TINAG: variants seen among roughly 807,000 people sequenced by gnomAD.
TINAG encodes the protein tubulointerstitial nephritis antigen.
In TINAG, 83 loss-of-function variants were observed where a neutral mutation model predicts 72.7. That is an observed-to-expected ratio of 1.14 (90% CI 0.96 to 1.37). TINAG has a LOEUF of 1.37. TINAG is among the 40% of genes most tolerant of loss of function. The probability of loss-of-function intolerance (pLI) is 0.00; values close to 1 mark genes in which losing one functional copy is unlikely to be tolerated. For missense variants in TINAG, 685 were observed against 576.6 expected, an observed-to-expected ratio of 1.19 and a Z score of -1.93; for synonymous variants, 234 against 189.9, an observed-to-expected ratio of 1.23 and a Z score of -1.91.
chr6:54,333,093 T>C (rs1025002596), intron 4 of TINAG, among the ~76,000 whole-genome samples: 2 of 152,210 alleles, frequency 1.3e-5, no homozygotes, highest in Non-Finnish European at 1.5e-5. Flanking sequence ...AGAAATACCA[T>C]TTGATTCAGC....
At chr6:54,324,011 G>A (rs1382302036) in intron 3 of TINAG, among the ~76,000 whole-genome samples, 1 of 152,092 alleles carries the variant, frequency 6.6e-6, no homozygotes, top group Admixed American at 6.6e-5. Flanking sequence ...TCTAGTTGAG[G>A]AGCCAACACT....
At chr6:54,360,589 A>C (rs924342084) in intron 9 of TINAG, among the ~76,000 whole-genome samples, 49 of 151,608 alleles carry the variant, frequency 3.2e-4, no homozygotes, top group African/African-American at 1.2e-3. Flanking sequence ...GCTTTATTTA[A>C]TCCCCAAGTC....
chr6:54,350,472 T>A (rs1785239288), intron 7 of TINAG, among the ~76,000 whole-genome samples: 1 of 151,688 alleles, frequency 6.6e-6, no homozygotes, highest in South Asian at 2.1e-4. Context: ...CTTTCATGAG[T>A]TGGTTTTGAC....
At chr6:54,352,712 T>C (rs1419570873) in intron 8 of TINAG, among the ~76,000 whole-genome samples, 5 of 151,624 alleles carry the variant, frequency 3.3e-5, no homozygotes, top group African/African-American at 9.7e-5. Flanking sequence ...TGTATTATTG[T>C]TTCAAGTGTT....
At chr6:54,321,230 T>A in intron 2 of TINAG, 67 bp from the exon 3 acceptor site, 1 of 1,181,194 alleles carries the variant, frequency 8.5e-7, no homozygotes, top group Non-Finnish European at 1.3e-6. Flanking sequence ...AATGTATAAC[T>A]CTTTTTACTA....
At chr6:54,329,463 T>G (rs1157680404) in intron 4 of TINAG, among the ~76,000 whole-genome samples, 2 of 151,888 alleles carry the variant, frequency 1.3e-5, no homozygotes, top group East Asian at 3.9e-4. Context: ...TTACAAGAGC[T>G]CCTAAAGAAA....
At chr6:54,309,221 C>A (rs1784183098) in intron 1 of TINAG, among the ~76,000 whole-genome samples, 1 of 152,090 alleles carries the variant, frequency 6.6e-6, no homozygotes, top group African/African-American at 2.4e-5. Context: ...TTCTCTCTCT[C>A]TCTTCTTTTT....
intron 3 of TINAG, among the ~76,000 whole-genome samples, chr6:54,322,261 T>C (rs1441806178): frequency 6.6e-6 from 1 of 151,972 alleles, no homozygotes; most frequent in East Asian, 1.9e-4. Flanking sequence ...TGAGCCGAGA[T>C]TGCGCCACTG....
In TINAG at chr6:54,350,405, A is replaced by G. The variant is rs575386976; in HGVS notation, c.1080+509A>G. On this transcript the variant is annotated intron_variant, in intron 7 of 10. Coordinates refer to ENST00000259782, the MANE Select transcript of TINAG (RefSeq NM_014464.4). ...TCGTTTTCAGAATTTGTGAACCTCC[A>G]GTGTCTTCTAATTATCTCCAGAATA... is the stretch of plus-strand genomic sequence containing the variant. Among the ~76,000 whole-genome samples, 85 of 152,044 alleles carry G rather than the reference A, an allele frequency of 5.6e-4. 3 individuals are homozygous for G. The South Asian group carries it at 0.016, about 29-fold the overall frequency.
chr6:54,367,490 G>A (rs1280589957), intron 9 of TINAG, among the ~76,000 whole-genome samples: 1 of 151,780 alleles, frequency 6.6e-6, no homozygotes, highest in African/African-American at 2.4e-5. Context: ...AAATTCATTG[G>A]TTTAGAAATG....
At chr6:54,374,475 C>G (rs958844513) in intron 9 of TINAG, among the ~76,000 whole-genome samples, 1 of 152,094 alleles carries the variant, frequency 6.6e-6, no homozygotes, top group Admixed American at 6.6e-5. Context: ...TTTGATCTAG[C>G]ATTAATTAGC....
chr6:54,362,817 A>G (rs1234225597), intron 9 of TINAG, among the ~76,000 whole-genome samples: 2 of 151,466 alleles, frequency 1.3e-5, no homozygotes, highest in Non-Finnish European at 3.0e-5. Flanking sequence ...GTTTGGAAGA[A>G]GTTGATTCCA....
Position 54,343,336 on chromosome 6 carries a change from AT to A in TINAG, c.739del (p.Ser247ProfsTer10). On this transcript the variant is annotated frameshift_variant, in exon 5 of 11. Coordinates refer to ENST00000259782, the MANE Select transcript of TINAG (RefSeq NM_014464.4). LOFTEE classifies it high-confidence loss of function. The stretch of plus-strand genomic sequence containing the variant: ...AAAAAAATTGTGCTGCATCCTGGGC[AT>A]TTTCCACTGCAAGTAATAAAGTCAT... ...DQKNCAASWAFSTASVAADRI... is the reference protein window; with the variant it reads ...DQKNCAASWAXSTASVAADRI... 1.9e-6 allele frequency: 3 copies of A among 1,547,622 alleles called. No homozygotes were observed. The highest frequency in any genetic ancestry group is 1.8e-5 in the Admixed American group (1 of 55,028).
intron 5 of TINAG, among the ~76,000 whole-genome samples, chr6:54,346,537 T>A (rs1349013147): frequency 6.6e-6 from 1 of 151,416 alleles, no homozygotes; most frequent in African/African-American, 2.4e-5. Flanking sequence ...TGTATATATA[T>A]AATTACATGT....
At position 54,349,719 on chromosome 6, in the gene TINAG, G is replaced by T. The variant is rs1054850432; in HGVS notation, c.903G>T (p.Leu301=). The T allele has an allele frequency of 1.3e-6, 2 of 1,560,280 alleles. No individual in the cohort carries two copies. Among genetic ancestry groups the T allele is most frequent in the Non-Finnish European group, 8.7e-7 (1 of 1,147,682 alleles). ...CTTCTTTGCTTATTCCTCATAGACT[G>T]GTATCCCACGCATGCTACCCACTTT... ...RAWWYLRKRG[L]VSHACYPLFK... Residue 301 remains leucine, a synonymous_variant, in exon 7 of 11, where the codon CTG becomes CTT. Transcript: ENST00000259782.
At chr6:54,328,998 T>C (rs147507117) in intron 4 of TINAG, among the ~76,000 whole-genome samples, 157 of 151,862 alleles carry the variant, frequency 1.0e-3, no homozygotes, top group Non-Finnish European at 1.9e-3. Context: ...CCACCTTTGG[T>C]TGGTGTACCT....
chr6:54,320,946 T>A (rs1784476985), intron 2 of TINAG, among the ~76,000 whole-genome samples: 2 of 152,190 alleles, frequency 1.3e-5, no homozygotes, highest in South Asian at 4.1e-4. Flanking sequence ...AGGCAAATTG[T>A]GTTTTTTGAG....
chr6:54,310,723 T>C (rs1197327596), intron 1 of TINAG, among the ~76,000 whole-genome samples: 1 of 123,792 alleles, frequency 8.1e-6, no homozygotes, highest in East Asian at 2.0e-4. Context: ...TCCCTCTTTC[T>C]TTTTTCTCTC....
rs1477871185 is a variant in TINAG, at chr6:54,376,271, C to G, written c.1251-4255C>G. On this transcript the variant is annotated intron_variant, in intron 9 of 10. Coordinates refer to ENST00000259782, the MANE Select transcript of TINAG (RefSeq NM_014464.4). ...TCTATTTATATTCTTGTTTTTCATT[C>G]CTCAATATCAGTCCCATTAGACTGA... Among the ~76,000 whole-genome samples the G allele has an allele frequency of 2.6e-5, 4 of 152,148 alleles. No homozygotes were observed. In the Middle Eastern group the frequency reaches 0.01, roughly 391 times the overall value.
Sources: gnomAD v4.1 joint callset for allele counts (sites outside exome capture counted in the v4.1 genomes callset) on GRCh38, gnomAD v4.1.1 for gene constraint, MANE v1.5 for transcripts, NCBI Gene and HGNC (gene_info 2026-07-23, HGNC 2026-07-21) for gene names.